ANKHD1: variants seen among roughly 807,000 people sequenced by gnomAD.
The protein encoded by ANKHD1 is ankyrin repeat and KH domain-containing protein 1.
In ANKHD1, 31 loss-of-function variants were observed where a neutral mutation model predicts 230.5. The ratio of observed to expected loss-of-function variants is 0.13; its 90% CI spans 0.10 to 0.18. The LOEUF (loss-of-function observed/expected upper bound fraction) is 0.18. ANKHD1 is among the 10% of genes least tolerant of loss of function. ANKHD1 has a pLI of 1.00. For synonymous variants in ANKHD1, 1,074 were observed against 1,117.6 expected, an observed-to-expected ratio of 0.96 and a Z score of 0.78; for missense variants, 2,256 against 3,071.3, an observed-to-expected ratio of 0.73 and a Z score of 6.27.
chr5:140,508,952 C>T (rs1752650079), intron 20 of ANKHD1, among the ~76,000 whole-genome samples: 1 of 152,076 alleles, frequency 6.6e-6, no homozygotes, highest in African/African-American at 2.4e-5. Context: ...AATTAGTCAA[C>T]AGAGAATCTA....
chr5:140,424,099 A>G (rs765708268), intron 1 of ANKHD1, among the ~76,000 whole-genome samples: 1 of 152,062 alleles, frequency 6.6e-6, no homozygotes, highest in Non-Finnish European at 1.5e-5. Flanking sequence ...TTTGCTTTTT[A>G]TATTCTAGCC....
chr5:140,478,057 A>G (rs1191547202), intron 10 of ANKHD1, among the ~76,000 whole-genome samples: 1 of 152,230 alleles, frequency 6.6e-6, no homozygotes, highest in Admixed American at 6.5e-5. Flanking sequence ...AGTTCTGTAT[A>G]TCAACATATT....
intron 1 of ANKHD1, 140 bp downstream of exon 1, chr5:140,402,413 C>T: frequency 8.3e-7 from 1 of 1,201,930 alleles, no homozygotes; most frequent in Non-Finnish European, 1.1e-6. Context: ...GCGGTGGCCG[C>T]GGTGAGGGCC....
At chr5:140,438,729 A>G in intron 3 of ANKHD1, 112 bp downstream of exon 3, 1 of 1,362,384 alleles carries the variant, frequency 7.3e-7, no homozygotes. Flanking sequence ...TTTAGCTGAA[A>G]GGATATTACA....
intron 14 of ANKHD1, among the ~76,000 whole-genome samples, chr5:140,493,356 C>T (rs1424037482): frequency 6.6e-6 from 1 of 152,180 alleles, no homozygotes; most frequent in African/African-American, 2.4e-5. Flanking sequence ...TGAGCCACCG[C>T]ACCCGGCCAC....
intron 22 of ANKHD1, among the ~76,000 whole-genome samples, chr5:140,511,568 A>C (rs1752771722): frequency 6.6e-6 from 1 of 152,176 alleles, no homozygotes; most frequent in South Asian, 2.1e-4. Context: ...TATATCTTCA[A>C]ACATGTACTT....
Position 140,537,840 on chromosome 5 carries a change from T to A in ANKHD1, c.7229-246T>A, listed in dbSNP as rs1754149545. On this transcript the variant is annotated intron_variant, in intron 31 of 33. Transcript: ENST00000360839. Reference sequence around the variant, plus strand: ...TGTGTGTCCTTTCTCTCTTAAATAATCATTTGAGTTCTTTCAGAGAGTACT... The same window carrying A: ...TGTGTGTCCTTTCTCTCTTAAATAAACATTTGAGTTCTTTCAGAGAGTACT... Among the ~76,000 whole-genome samples the A allele has an allele frequency of 3.9e-5, 6 of 152,192 alleles. No individual in the cohort carries two copies. The South Asian group carries it at 1.2e-3, about 32-fold the overall frequency.
chr5:140,428,482 G>A (rs1259571907), intron 1 of ANKHD1, among the ~76,000 whole-genome samples: 1 of 152,232 alleles, frequency 6.6e-6, no homozygotes, highest in Non-Finnish European at 1.5e-5. Flanking sequence ...AAAAAAACAC[G>A]AAAACCAGTC....
intron 7 of ANKHD1, among the ~76,000 whole-genome samples, chr5:140,456,649 G>T (rs1775216626): frequency 6.6e-6 from 1 of 152,172 alleles, no homozygotes; most frequent in African/African-American, 2.4e-5. Context: ...TGGGAAAACT[G>T]GCTAGCCATA....
intron 5 of ANKHD1, among the ~76,000 whole-genome samples, chr5:140,443,926 C>G (rs909453157): frequency 2.6e-5 from 4 of 151,960 alleles, no homozygotes; most frequent in African/African-American, 7.2e-5. Flanking sequence ...CCTAGGTCTC[C>G]CCATCTTCTT....
Position 140,527,850 on chromosome 5 carries a change from CAT to C in ANKHD1, c.5088-22_5088-21del, listed in dbSNP as rs1319516280. Reference sequence around the variant, plus strand: ...AAAGAGACATTTAATTTCATAAGCTCATGTGTATTCTTCATTTTATAGGTCAA... The same window carrying C: ...AAAGAGACATTTAATTTCATAAGCTCGTGTATTCTTCATTTTATAGGTCAA... On this transcript the variant is annotated intron_variant, in intron 27 of 33. Transcript: ENST00000360839. This position sits in a 1 kb window ranked among gnomAD's most constrained non-coding sequence, Gnocchi z 4.5. 2.5e-6 allele frequency: 4 copies of C among 1,604,460 alleles called. No homozygotes were observed. Among genetic ancestry groups the C allele is most frequent in the Non-Finnish European group, 3.4e-6 (4 of 1,175,490 alleles).
intron 6 of ANKHD1, among the ~76,000 whole-genome samples, chr5:140,447,064 A>G (rs1013886537): frequency 1.3e-4 from 19 of 151,800 alleles, no homozygotes; most frequent in Non-Finnish European, 2.5e-4. Context: ...TGCATGCCAC[A>G]TGTCTGGCTA....
At chr5:140,412,706 T>G (rs1771038908) in intron 1 of ANKHD1, among the ~76,000 whole-genome samples, 1 of 152,224 alleles carries the variant, frequency 6.6e-6, no homozygotes, top group South Asian at 2.1e-4. Context: ...ATTGTTATAT[T>G]CCAATTATTT....
chr5:140,422,531 A>G (rs1240587276), intron 1 of ANKHD1, among the ~76,000 whole-genome samples: 1 of 152,042 alleles, frequency 6.6e-6, no homozygotes, highest in African/African-American at 2.4e-5. Flanking sequence ...CCCTGTCCTT[A>G]AAGACATCAG....
At chr5:140,525,072 C>T (rs564599522) in intron 25 of ANKHD1, 4 of 161,376 alleles carry the variant, frequency 2.5e-5, no homozygotes, top group South Asian at 2.7e-4. Flanking sequence ...GCCGAGTTCA[C>T]GCCATTGCAC....
At chr5:140,513,745 G>T (rs901054391) in intron 24 of ANKHD1, among the ~76,000 whole-genome samples, 5 of 151,586 alleles carry the variant, frequency 3.3e-5, no homozygotes, top group African/African-American at 1.2e-4. Flanking sequence ...GGAGGCAGAG[G>T]TTGCAGTGAG....
intron 10 of ANKHD1, chr5:140,472,218 T>C (rs1323564071): frequency 6.2e-7 from 1 of 1,608,990 alleles, no homozygotes. Flanking sequence ...GATCCGTGAG[T>C]TCTTCTTTTT....
intron 24 of ANKHD1, among the ~76,000 whole-genome samples, chr5:140,521,751 G>A (rs189569395): frequency 5.9e-5 from 9 of 152,258 alleles, no homozygotes; most frequent in Non-Finnish European, 1.2e-4. Context: ...AGGCTGAAGT[G>A]GGCAGATCAC....
chr5:140,539,117 A>G (rs1480258959), intron 33 of ANKHD1, 34 bp downstream of exon 33: 2 of 1,567,624 alleles, frequency 1.3e-6, no homozygotes, highest in Admixed American at 3.9e-5. Flanking sequence ...TGTTTTTTAG[A>G]TTTGTCACAT....
Sources: allele counts gnomAD v4.1 joint callset (sites outside exome capture counted in the v4.1 genomes callset), GRCh38; gene constraint gnomAD v4.1.1; non-coding constraint Gnocchi (gnomAD v3.1); transcripts MANE v1.5; gene names NCBI Gene and HGNC (gene_info 2026-07-23, HGNC 2026-07-21).